ZMYM2: variants seen among roughly 807,000 people sequenced by gnomAD.
The protein encoded by ZMYM2 is zinc finger MYM-type containing 2, also known as zinc finger MYM-type protein 2.
Under a neutral mutation model 162.8 loss-of-function variants are expected in ZMYM2, and 56 were observed. The observed-to-expected ratio is 0.34, with a 90% CI of 0.28 to 0.43. ZMYM2 has a LOEUF of 0.43. Among genes scored for constraint, ZMYM2 ranks in the 20% least tolerant of loss-of-function variants. The pLI is 1.00. For missense variants in ZMYM2, 1,275 were observed against 1,621.8 expected (o/e 0.79, Z 3.67); for synonymous variants, 510 against 541.6 (o/e 0.94, Z 0.81).
chr13:20,044,718 C>T (rs1954598328), intron 12 of ZMYM2, among the ~76,000 whole-genome samples: 1 of 152,118 alleles, frequency 6.6e-6, no homozygotes, highest in Non-Finnish European at 1.5e-5. Context: ...GGAAAACCAT[C>T]TCAATGCTGA....
At chr13:20,054,335 A>G (rs139130862) in intron 14 of ZMYM2, among the ~76,000 whole-genome samples, 10 of 152,372 alleles carry the variant, frequency 6.6e-5, no homozygotes, top group African/African-American at 2.4e-4. Flanking sequence ...TATGTATAGT[A>G]AAGAACATAA....
At chr13:19,934,546 T>C in the ZMYM2 span, among the ~76,000 whole-genome samples, 10 of 152,320 alleles carry the variant, frequency 6.6e-5, no homozygotes, top group Admixed American at 2.0e-4. Context: ...TGTTTGTCTC[T>C]AGACTTAGCT....
Position 19,994,209 on chromosome 13 carries a change from G to A in ZMYM2, c.847+290G>A, listed in dbSNP as rs1361369603. 2.0e-5 allele frequency among the ~76,000 whole-genome samples: 3 copies of A among 152,166 alleles called. No homozygotes were observed. The East Asian group carries it at 5.8e-4, about 29-fold the overall frequency. On this transcript the variant is annotated intron_variant, in intron 3 of 24. Coordinates refer to ENST00000610343, the MANE Select transcript of ZMYM2 (RefSeq NM_197968.4). ...AAAGTCTGATAATTTGGCCGGGCACGGCGGCTCACACCTGTAATCCCAGCA... is the reference window on the plus strand; with the variant it reads ...AAAGTCTGATAATTTGGCCGGGCACAGCGGCTCACACCTGTAATCCCAGCA...
chr13:19,963,037 C>T (rs1429895352), intron 2 of ZMYM2, among the ~76,000 whole-genome samples: 1 of 151,978 alleles, frequency 6.6e-6, no homozygotes, highest in Non-Finnish European at 1.5e-5. Context: ...CAAGGTTTCA[C>T]CATGTTGGCC....
chr13:20,083,490 A>T (rs564809524), intron 23 of ZMYM2, 166 bp from the exon 24 acceptor site: 8 of 603,134 alleles, frequency 1.3e-5, no homozygotes, highest in Non-Finnish European at 2.3e-5. Context: ...ATGTCTTAAG[A>T]TGTCTCAGTT....
At chr13:19,869,119 C>T in the ZMYM2 span, among the ~76,000 whole-genome samples, 2 of 152,158 alleles carry the variant, frequency 1.3e-5, no homozygotes, top group Admixed American at 1.3e-4. Context: ...ACAAATACCA[C>T]CCACAATACA....
chr13:19,923,635 A>C, the ZMYM2 span, among the ~76,000 whole-genome samples: 71 of 146,818 alleles, frequency 4.8e-4, no homozygotes, highest in African/African-American at 1.7e-3. Flanking sequence ...TCAGGATTAC[A>C]AGTGTGAACC....
At chr13:19,904,917 C>T in the ZMYM2 span, among the ~76,000 whole-genome samples, 2 of 152,002 alleles carry the variant, frequency 1.3e-5, no homozygotes, top group Non-Finnish European at 2.9e-5. Flanking sequence ...ATCCATTCAT[C>T]TGTCAGTGGA....
At chr13:19,903,338 A>G in the ZMYM2 span, among the ~76,000 whole-genome samples, 1 of 151,408 alleles carries the variant, frequency 6.6e-6, no homozygotes, top group Non-Finnish European at 1.5e-5. Context: ...CTAAATAAAT[A>G]AATAAAAATA....
the ZMYM2 span, among the ~76,000 whole-genome samples, chr13:19,947,660 T>TGTTGG: frequency 1.8e-5 from 1 of 55,190 alleles, no homozygotes; most frequent in African/African-American, 4.5e-5. Flanking sequence ...GGTTTCACCA[T>TGTTGG]GTTGGCTAGG....
At chr13:19,975,572 G>T (rs1594113302) in intron 2 of ZMYM2, among the ~76,000 whole-genome samples, 1 of 152,268 alleles carries the variant, frequency 6.6e-6, no homozygotes, top group South Asian at 2.1e-4. Flanking sequence ...CGTTCACTCT[G>T]TTGGACACTT....
the ZMYM2 span, among the ~76,000 whole-genome samples, chr13:19,904,419 G>A: frequency 2.2e-5 from 3 of 135,670 alleles, no homozygotes; most frequent in Non-Finnish European, 4.6e-5. Flanking sequence ...TTAGCCGGGC[G>A]TGGTGGCAGG....
At chr13:19,883,631 CCTTTTTGT>C in the ZMYM2 span, among the ~76,000 whole-genome samples, 3 of 152,118 alleles carry the variant, frequency 2.0e-5, no homozygotes, top group East Asian at 5.8e-4. Context: ...AAAAATCTTT[CCTTTTTGT>C]CTTTTCAATT....
chr13:19,906,635 G>T, the ZMYM2 span, among the ~76,000 whole-genome samples: 1 of 151,612 alleles, frequency 6.6e-6, no homozygotes. Context: ...TGGTGCAGTG[G>T]CATGATCACA....
At chr13:20,019,680 A>G in intron 7 of ZMYM2, 62 bp downstream of exon 7, 3 of 1,393,304 alleles carry the variant, frequency 2.2e-6, no homozygotes, top group Non-Finnish European at 3.0e-6. Flanking sequence ...TACTACTGTC[A>G]TTAATATGTA....
At chr13:19,913,472 C>T in the ZMYM2 span, among the ~76,000 whole-genome samples, 8 of 152,078 alleles carry the variant, frequency 5.3e-5, no homozygotes, top group Non-Finnish European at 7.3e-5. Flanking sequence ...CACGTGTAAT[C>T]CCAGCACTTT....
chr13:19,865,388 T>C, the ZMYM2 span, among the ~76,000 whole-genome samples: 1 of 152,220 alleles, frequency 6.6e-6, no homozygotes, highest in African/African-American at 2.4e-5. Flanking sequence ...TGTTCACGGA[T>C]TGATGAGAGT....
chr13:19,979,506 G>A lies in ZMYM2; in HGVS notation c.-10-13557G>A, dbSNP rs143303849. Reference sequence around the variant, plus strand: ...GTTTCTCTTCCATTATCTGTGTGGTGAGGTACTGACCTGACAAAAATTTCC... The same window carrying A: ...GTTTCTCTTCCATTATCTGTGTGGTAAGGTACTGACCTGACAAAAATTTCC... On this transcript the variant is annotated intron_variant, in intron 2 of 24. Coordinates refer to ENST00000610343, the MANE Select transcript of ZMYM2 (RefSeq NM_197968.4). Among the ~76,000 whole-genome samples the A allele has an allele frequency of 8.7e-5, 13 of 150,194 alleles. No homozygotes were observed. The East Asian group carries it at 2.5e-3, about 29-fold the overall frequency.
chr13:19,876,159 T>G, the ZMYM2 span, among the ~76,000 whole-genome samples: 1 of 151,896 alleles, frequency 6.6e-6, no homozygotes, highest in Non-Finnish European at 1.5e-5. Flanking sequence ...CCCGAGTAGC[T>G]GGGATTACAG....
Sources: allele counts gnomAD v4.1 joint callset (sites outside exome capture counted in the v4.1 genomes callset), GRCh38; gene constraint gnomAD v4.1.1; transcripts MANE v1.5; gene names NCBI Gene and HGNC (gene_info 2026-07-23, HGNC 2026-07-21).